Variants in KCNJ3 observed in about 807,000 individuals in gnomAD.
KCNJ3 encodes potassium inwardly rectifying channel subfamily J member 3, also known as G protein-activated inward rectifier potassium channel 1.
A neutral mutation model predicts 39.2 loss-of-function variants in KCNJ3; 4 were observed. The ratio of observed to expected loss-of-function variants is 0.10; its 90% CI spans 0.05 to 0.23. The LOEUF (loss-of-function observed/expected upper bound fraction) is 0.23, where lower values mean the gene tolerates loss of function less well. Among genes scored for constraint, KCNJ3 ranks in the 10% least tolerant of loss-of-function variants. The pLI is 1.00. For synonymous variants in KCNJ3, 230 were observed against 237.4 expected (o/e 0.97, Z 0.29); for missense variants, 276 against 634.9 (o/e 0.43, Z 6.08).
intron 2 of KCNJ3, among the ~76,000 whole-genome samples, chr2:154,848,241 G>A (rs1365640562): frequency 6.6e-6 from 1 of 152,126 alleles, no homozygotes; most frequent in African/African-American, 2.4e-5. Flanking sequence ...ATCAGTATGA[G>A]TTCTGGACTT....
Position 154,736,374 on chromosome 2 carries a change from T to TAAAAAAAA in KCNJ3, c.919+26588_919+26595dup, listed in dbSNP as rs70983745. On this transcript the variant is annotated intron_variant, in intron 2 of 2. Coordinates refer to ENST00000295101, the MANE Select transcript of KCNJ3 (RefSeq NM_002239.4). ...AGAGAGTGACAGGAGTCACTAGTTC[T>TAAAAAAAA]AAAAAAAAAAAAAAAAAAAAAAAAA... Among the ~76,000 whole-genome samples the TAAAAAAAA allele has an allele frequency of 3.2e-4, 30 of 93,230 alleles. 1 individual carries two copies. Among genetic ancestry groups the TAAAAAAAA allele is most frequent in the East Asian group, 1.7e-3 (4 of 2,404 alleles). 61.2% of individuals were successfully genotyped at this position (93,230 alleles called of 152,430 possible).
At chr2:154,848,753 T>TAAAC (rs960362154) in intron 2 of KCNJ3, among the ~76,000 whole-genome samples, 9 of 152,214 alleles carry the variant, frequency 5.9e-5, no homozygotes, top group African/African-American at 1.9e-4. Flanking sequence ...ATTCCAAAGG[T>TAAAC]AAACAGCATA....
chr2:154,740,783 T>C (rs1685640112), intron 2 of KCNJ3, among the ~76,000 whole-genome samples: 2 of 152,014 alleles, frequency 1.3e-5, no homozygotes, highest in Non-Finnish European at 2.9e-5. Flanking sequence ...ATGTGGTACA[T>C]GAGATGAAAT....
chr2:154,709,569 G>A (rs1277241931), intron 1 of KCNJ3, 34 bp from the exon 2 acceptor site: 2 of 1,599,712 alleles, frequency 1.3e-6, no homozygotes, highest in East Asian at 4.5e-5. Context: ...AGTACAAGTG[G>A]TGATTTCTTC....
intron 2 of KCNJ3, among the ~76,000 whole-genome samples, chr2:154,756,217 T>C (rs1395576086): frequency 1.3e-5 from 2 of 152,184 alleles, no homozygotes; most frequent in Admixed American, 6.5e-5. Flanking sequence ...AACCATTACC[T>C]ATCTAGATAA....
chr2:154,707,813 GGTTTTT>G (rs1685038688), intron 1 of KCNJ3, among the ~76,000 whole-genome samples: 1 of 151,984 alleles, frequency 6.6e-6, no homozygotes, highest in African/African-American at 2.4e-5. Context: ...AATGACACAA[GGTTTTT>G]GTTTTTGTTG....
chr2:154,813,169 A>G (rs1355610652), intron 2 of KCNJ3, among the ~76,000 whole-genome samples: 2 of 152,210 alleles, frequency 1.3e-5, no homozygotes, highest in Non-Finnish European at 2.9e-5. Flanking sequence ...AGGGCCGATC[A>G]CATCTTTTTT....
Position 154,699,974 on chromosome 2 carries a change from A to T in KCNJ3, c.702+497A>T, listed in dbSNP as rs1259330055. Among the ~76,000 whole-genome samples the T allele has an allele frequency of 6.6e-6, 1 of 152,030 alleles. No individual in the cohort carries two copies. The highest frequency in any genetic ancestry group is 1.5e-5 in the Non-Finnish European group (1 of 68,032). Reference sequence around the variant, plus strand: ...TTTCTTTCCTTTTTTTCCCCCTAATAATATTAGGAGGCGGATTACTCCTCT... The same window carrying T: ...TTTCTTTCCTTTTTTTCCCCCTAATTATATTAGGAGGCGGATTACTCCTCT... On this transcript the variant is annotated intron_variant, in intron 1 of 2. Coordinates refer to ENST00000295101, the MANE Select transcript of KCNJ3 (RefSeq NM_002239.4). The surrounding 1 kb of genome is among the most constrained non-coding windows in gnomAD (Gnocchi z 6.4).
chr2:154,703,255 G>C (rs1050185491), intron 1 of KCNJ3, among the ~76,000 whole-genome samples: 3 of 151,998 alleles, frequency 2.0e-5, no homozygotes, highest in East Asian at 1.9e-4. Flanking sequence ...AACTATGGTT[G>C]CATTCATATT....
intron 2 of KCNJ3, among the ~76,000 whole-genome samples, chr2:154,846,701 C>T (rs1289518138): frequency 6.6e-6 from 1 of 152,106 alleles, no homozygotes; most frequent in Non-Finnish European, 1.5e-5. Flanking sequence ...TTCTACCTGA[C>T]CATGAGCCTT....
chr2:154,855,469 G>T lies in KCNJ3; in HGVS notation c.*156G>T, dbSNP rs1687821103. On this transcript the variant is annotated 3_prime_UTR_variant, in exon 3 of 3. Coordinates refer to ENST00000295101, the MANE Select transcript of KCNJ3 (RefSeq NM_002239.4). Reference sequence around the variant, plus strand: ...TTCCTTTCCCAAGTATTGCGAATGTGCAGAAAGCAACAGTTACGGAGGGAG... The same window carrying T: ...TTCCTTTCCCAAGTATTGCGAATGTTCAGAAAGCAACAGTTACGGAGGGAG... 1 of 602,190 alleles carries T rather than the reference G, an allele frequency of 1.7e-6. No homozygotes were observed. Among genetic ancestry groups the T allele is most frequent in the South Asian group, 2.3e-5 (1 of 42,968 alleles). The allele number at this position is 602,190 out of a possible 1,614,324, so 37.3% of individuals were successfully genotyped here. A position where few individuals can be genotyped will look rare whatever the true frequency, so the allele number is the denominator to read the frequency against.
At chr2:154,803,120 G>A (rs1181626842) in intron 2 of KCNJ3, among the ~76,000 whole-genome samples, 1 of 151,822 alleles carries the variant, frequency 6.6e-6, no homozygotes, top group Admixed American at 6.6e-5. Flanking sequence ...ATGACACAGT[G>A]GGAACAAATT....
intron 2 of KCNJ3, among the ~76,000 whole-genome samples, chr2:154,731,644 GTC>G (rs1685450464): frequency 6.6e-6 from 1 of 151,480 alleles, no homozygotes; most frequent in African/African-American, 2.4e-5. Flanking sequence ...ATGTATTGCT[GTC>G]TTATATATTT....
chr2:154,811,535 G>A (rs1181045063), intron 2 of KCNJ3, among the ~76,000 whole-genome samples: 10 of 152,062 alleles, frequency 6.6e-5, no homozygotes, highest in Non-Finnish European at 1.3e-4. Flanking sequence ...CTTGTGATCC[G>A]CCCACCTTGG....
chr2:154,757,626 T>C (rs1190458297), intron 2 of KCNJ3, among the ~76,000 whole-genome samples: 3 of 152,198 alleles, frequency 2.0e-5, no homozygotes, highest in African/African-American at 7.2e-5. Context: ...ATTTTGATGG[T>C]GTCTTAAACT....
intron 2 of KCNJ3, among the ~76,000 whole-genome samples, chr2:154,805,575 G>A (rs999217304): frequency 6.6e-6 from 1 of 152,008 alleles, no homozygotes; most frequent in African/African-American, 2.4e-5. Context: ...ACAAATTCCT[G>A]GCATCTAAAT....
At chr2:154,786,803 G>A (rs563274420) in intron 2 of KCNJ3, among the ~76,000 whole-genome samples, 1 of 152,236 alleles carries the variant, frequency 6.6e-6, no homozygotes, top group African/African-American at 2.4e-5. Flanking sequence ...AATAGTAGTT[G>A]CCAAAATTGA....
At chr2:154,704,331 G>A (rs914487379) in intron 1 of KCNJ3, among the ~76,000 whole-genome samples, 8 of 152,036 alleles carry the variant, frequency 5.3e-5, no homozygotes, top group Non-Finnish European at 8.8e-5. Context: ...GGTATTTGGC[G>A]AGTAGGAGGA....
chr2:154,765,086 C>G (rs1340973010), intron 2 of KCNJ3, among the ~76,000 whole-genome samples: 1 of 152,162 alleles, frequency 6.6e-6, no homozygotes, highest in African/African-American at 2.4e-5. Context: ...CTGTGCTATG[C>G]ATTTTAGGTG....
Sources: allele counts gnomAD v4.1 joint callset (sites outside exome capture counted in the v4.1 genomes callset), GRCh38; gene constraint gnomAD v4.1.1; non-coding constraint Gnocchi (gnomAD v3.1); transcripts MANE v1.5; gene names NCBI Gene and HGNC (gene_info 2026-07-23, HGNC 2026-07-21).